The following AGTPBP1 variants were observed in gnomAD, a reference collection of about 807,000 sequenced individuals.
AGTPBP1 encodes ATP/GTP binding carboxypeptidase 1.
In AGTPBP1, 70 loss-of-function variants were observed where a neutral mutation model predicts 143.9. The observed-to-expected ratio is 0.49, with a 90% CI of 0.40 to 0.59. The LOEUF is 0.59. Among genes scored for constraint, AGTPBP1 ranks in the 20% least tolerant of loss-of-function variants. The pLI, the probability that AGTPBP1 is intolerant of heterozygous loss-of-function variation, is 0.00. For synonymous variants in AGTPBP1, 463 were observed against 500.2 expected, an observed-to-expected ratio of 0.93 and a Z score of 0.99; for missense variants, 1,229 against 1,464.5, an observed-to-expected ratio of 0.84 and a Z score of 2.62.
At chr9:85,564,631 C>A (rs547992522) in intron 25 of AGTPBP1, among the ~76,000 whole-genome samples, 55 of 152,288 alleles carry the variant, frequency 3.6e-4, no homozygotes, top group African/African-American at 1.3e-3. Context: ...TCCATACGGT[C>A]ACATGCTGTA....
the AGTPBP1 span, among the ~76,000 whole-genome samples, chr9:85,779,228 TAG>T: frequency 1.5e-5 from 2 of 132,886 alleles, no homozygotes; most frequent in African/African-American, 7.4e-5. Context: ...GATATAGATA[TAG>T]ATATAGATAT....
the AGTPBP1 span, among the ~76,000 whole-genome samples, chr9:85,794,343 G>A: frequency 6.6e-6 from 1 of 152,024 alleles, no homozygotes; most frequent in Non-Finnish European, 1.5e-5. Flanking sequence ...TTTGTACATG[G>A]TATGAGTTAA....
chr9:85,747,057 A>G, the AGTPBP1 span, among the ~76,000 whole-genome samples: 2 of 151,948 alleles, frequency 1.3e-5, no homozygotes, highest in East Asian at 1.9e-4. Flanking sequence ...GTGTCTTGCT[A>G]TATTTCCCAG....
intron 1 of AGTPBP1, among the ~76,000 whole-genome samples, chr9:85,736,910 T>A (rs987462501): frequency 6.6e-6 from 1 of 152,170 alleles, no homozygotes. Context: ...ATCAAGACCA[T>A]CCTGGCTAAC....
intron 25 of AGTPBP1, among the ~76,000 whole-genome samples, chr9:85,560,053 C>A (rs1007599392): frequency 3.3e-5 from 5 of 152,128 alleles, no homozygotes; most frequent in African/African-American, 1.2e-4. Flanking sequence ...CAAGGTCCCA[C>A]CAGCATTTGG....
At chr9:85,650,655 A>G (rs2133894099) in intron 11 of AGTPBP1, among the ~76,000 whole-genome samples, 1 of 152,318 alleles carries the variant, frequency 6.6e-6, no homozygotes, top group Middle Eastern at 3.4e-3. Flanking sequence ...AAGTTGTTTT[A>G]GGGTCAAGTC....
intron 25 of AGTPBP1, among the ~76,000 whole-genome samples, chr9:85,573,442 C>A (rs1031714259): frequency 2.0e-5 from 3 of 152,170 alleles, no homozygotes; most frequent in Admixed American, 6.5e-5. Context: ...GTGGCGTGAT[C>A]TCGGCCCGCT....
intron 17 of AGTPBP1, among the ~76,000 whole-genome samples, chr9:85,607,431 C>T (rs905954322): frequency 6.6e-6 from 1 of 152,028 alleles, no homozygotes; most frequent in African/African-American, 2.4e-5. Flanking sequence ...TAAGTTGCCC[C>T]AGCAAGAATC....
chr9:85,594,798 T>C (rs1829191706), intron 18 of AGTPBP1, among the ~76,000 whole-genome samples: 1 of 152,184 alleles, frequency 6.6e-6, no homozygotes, highest in Non-Finnish European at 1.5e-5. Context: ...ATAGAACAAC[T>C]TGTCCTGCTA....
intron 6 of AGTPBP1, among the ~76,000 whole-genome samples, chr9:85,675,027 G>T (rs1834736249): frequency 6.6e-6 from 1 of 152,030 alleles, no homozygotes; most frequent in Non-Finnish European, 1.5e-5. Flanking sequence ...CTCCTGAGTA[G>T]CTGGGATTAC....
the AGTPBP1 span, among the ~76,000 whole-genome samples, chr9:85,765,404 C>G: frequency 6.6e-6 from 1 of 152,066 alleles, no homozygotes; most frequent in Non-Finnish European, 1.5e-5. Flanking sequence ...TATGTCCAGC[C>G]AAATAGATGC....
At chr9:85,783,905 A>G in the AGTPBP1 span, among the ~76,000 whole-genome samples, 375 of 152,054 alleles carry the variant, frequency 2.5e-3, 1 homozygote, top group African/African-American at 8.7e-3. Flanking sequence ...AATTACAGGC[A>G]TGAGCCACCG....
rs368829000 is a variant in AGTPBP1 at position 85,605,144 on chromosome 9, G to C, written c.2336-8695C>G. Among the ~76,000 whole-genome samples, 14 of 152,180 alleles carry C rather than the reference G, an allele frequency of 9.2e-5. No individual in the cohort carries two copies. The East Asian group carries it at 1.4e-3, about 15-fold the overall frequency. ...AACATTCAAGTACAAGAAGGCTATA[G>C]AACACCACGCAGATTTAACCCCAAG... On this transcript the variant is annotated intron_variant, in intron 17 of 25. Coordinates refer to ENST00000357081, the MANE Select transcript of AGTPBP1 (RefSeq NM_001330701.2).
intron 6 of AGTPBP1, among the ~76,000 whole-genome samples, chr9:85,674,171 C>G (rs1310885260): frequency 7.4e-6 from 1 of 135,984 alleles, no homozygotes; most frequent in Non-Finnish European, 1.6e-5. Context: ...GACCAGCAAA[C>G]AAATAATTTT....
At chr9:85,624,735 G>T (rs1419281318) in intron 14 of AGTPBP1, among the ~76,000 whole-genome samples, 1 of 152,122 alleles carries the variant, frequency 6.6e-6, no homozygotes, top group African/African-American at 2.4e-5. Context: ...AATCAAGTAT[G>T]ATATAAAAGC....
chr9:85,726,229 CAAA>C (rs142765681), intron 1 of AGTPBP1, among the ~76,000 whole-genome samples: 2 of 123,088 alleles, frequency 1.6e-5, no homozygotes, highest in Non-Finnish European at 3.3e-5. Flanking sequence ...GACTCTGTCT[CAAA>C]AAAAAAAAAA....
At position 85,574,900 on chromosome 9, in the gene AGTPBP1, G is replaced by A. The variant is rs536595953; in HGVS notation, c.3503+415C>T. On this transcript the variant is annotated intron_variant, in intron 25 of 25. Transcript: ENST00000357081. ...ATTCTTGCATTTTTAGGAGAGATGG[G>A]GTTTCACCATGTTGGCCAGGCTGTT... 3.3e-5 allele frequency among the ~76,000 whole-genome samples: 5 copies of A among 152,104 alleles called. No homozygotes were observed. The South Asian group carries it at 1.0e-3, about 32-fold the overall frequency.
rs1019018008 is a variant in AGTPBP1, at chr9:85,732,972, T to C, written c.-34+8803A>G. 4.6e-5 allele frequency among the ~76,000 whole-genome samples: 7 copies of C among 152,132 alleles called. No individual in the cohort carries two copies. In the South Asian group the frequency reaches 1.5e-3, roughly 32 times the overall value. On this transcript the variant is annotated intron_variant, in intron 1 of 25. Transcript: ENST00000357081. ...CACACCAACAAAATATATGAAGTAG[T>C]TACAGATCATCAAAATACGAGGTAA...
chr9:85,671,729 G>T (rs1261065359), intron 7 of AGTPBP1, among the ~76,000 whole-genome samples: 1 of 152,198 alleles, frequency 6.6e-6, no homozygotes, highest in Non-Finnish European at 1.5e-5. Flanking sequence ...TCGTGTTAGT[G>T]AGAGTGTGTG....
Sources: gnomAD v4.1 joint callset for allele counts (sites outside exome capture counted in the v4.1 genomes callset) on GRCh38, gnomAD v4.1.1 for gene constraint, MANE v1.5 for transcripts, NCBI Gene and HGNC (gene_info 2026-07-23, HGNC 2026-07-21) for gene names.